FOXO1: variants seen among roughly 807,000 people sequenced by gnomAD.
The protein encoded by FOXO1 is forkhead box O1.
FOXO1 carries 6 observed loss-of-function variants against 44.1 expected under a neutral mutation model. The ratio of observed to expected loss-of-function variants is 0.14; its 90% confidence interval spans 0.07 to 0.27. The LOEUF (loss-of-function observed/expected upper bound fraction) is 0.27. Among genes scored for constraint, FOXO1 ranks in the 10% least tolerant of loss-of-function variants. The pLI is 1.00. For missense variants in FOXO1, 737 were observed against 888.8 expected (o/e 0.83, Z 2.17); for synonymous variants, 380 against 362.7 (o/e 1.05, Z -0.54).
chr13:40,626,421 C>G, intron 1 of FOXO1, among the ~76,000 whole-genome samples: 1 of 152,230 alleles, frequency 6.6e-6, no homozygotes, highest in East Asian at 1.9e-4. Flanking sequence ...GCTGGTGAGA[C>G]AGCTCATGCC....
Position 40,560,902 on chromosome 13 carries a change from G to A in FOXO1, c.631-42C>T. On this transcript the variant is annotated intron_variant, in intron 1 of 2. Transcript: ENST00000379561. The surrounding 1 kb of genome is among the most constrained non-coding windows in gnomAD (Gnocchi z 5.1). ...CTTATTAGAAGTACAATACTTCTCT[G>A]CTTGCAAAACTTCCTATTCTACATG... 6.5e-7 allele frequency: 1 copy of A among 1,531,644 alleles called. No individual in the cohort carries two copies. The highest frequency in any genetic ancestry group is 8.8e-7 in the Non-Finnish European group (1 of 1,142,222). 94.9% of individuals were successfully genotyped at this position (1,531,644 alleles called of 1,614,324 possible).
intron 1 of FOXO1, among the ~76,000 whole-genome samples, chr13:40,580,673 CAT>C (rs1874922405): frequency 1.3e-5 from 2 of 152,216 alleles, no homozygotes; most frequent in African/African-American, 4.8e-5. Context: ...CATCTGACCT[CAT>C]GTCACCTCCC....
At chr13:40,621,264 T>C (rs996542801) in intron 1 of FOXO1, 3 of 795,902 alleles carry the variant, frequency 3.8e-6, no homozygotes, top group Admixed American at 2.1e-5. Flanking sequence ...TCATATTCAT[T>C]GTACTGACCG....
Position 40,560,609 on chromosome 13 carries a change from T to C in FOXO1, c.882A>G (p.Lys294=). The C allele has an allele frequency of 1.2e-6, 2 of 1,614,186 alleles. No individual in the cohort carries two copies. Among genetic ancestry groups the C allele is most frequent in the Non-Finnish European group, 1.7e-6 (2 of 1,180,018 alleles). ...TGTGAGAGCCAGGGCTTGCAGGCCATTTGGAAAACTGTGATCCAGGGCTGT... is the reference window on the plus strand; with the variant it reads ...TGTGAGAGCCAGGGCTTGCAGGCCACTTGGAAAACTGTGATCCAGGGCTGT... ...AGDSPGSQFS[K]WPASPGSHSN... Residue 294 remains lysine (K), a synonymous_variant, in exon 2 of 3, where the codon AAA becomes AAG. Transcript: ENST00000379561. The surrounding 1 kb of genome is among the most constrained non-coding windows in gnomAD (Gnocchi z 5.1).
intron 1 of FOXO1, among the ~76,000 whole-genome samples, chr13:40,660,249 C>T (rs1443379501): frequency 2.0e-5 from 3 of 152,170 alleles, no homozygotes; most frequent in Non-Finnish European, 4.4e-5. Context: ...AGCAGACCAA[C>T]TCCCACACAA....
chr13:40,634,663 C>T (rs1566081148), intron 1 of FOXO1, among the ~76,000 whole-genome samples: 1 of 152,036 alleles, frequency 6.6e-6, no homozygotes, highest in African/African-American at 2.4e-5. Flanking sequence ...AAAAAGAAAG[C>T]AACAAAGGTG....
rs556798627 is a variant in FOXO1, at chr13:40,651,861, G to A, written c.630+13722C>T. Among the ~76,000 whole-genome samples, 3 of 152,160 alleles carry A rather than the reference G, an allele frequency of 2.0e-5. No individual in the cohort carries two copies. The South Asian group carries it at 6.2e-4, about 32-fold the overall frequency. On this transcript the variant is annotated intron_variant, in intron 1 of 2. Transcript: ENST00000379561. ...AGTATGGGAATCTTTCAAATTCAAC[G>A]TATGTAAATGTCATAATGGGCCACT...
intron 1 of FOXO1, among the ~76,000 whole-genome samples, chr13:40,645,537 C>T (rs1358428040): frequency 6.6e-6 from 1 of 152,144 alleles, no homozygotes; most frequent in African/African-American, 2.4e-5. Flanking sequence ...ATGACTATTT[C>T]TAAAGGCAGT....
chr13:40,624,618 C>CG (rs972143584), intron 1 of FOXO1, among the ~76,000 whole-genome samples: 3 of 152,062 alleles, frequency 2.0e-5, no homozygotes, highest in Non-Finnish European at 4.4e-5. Context: ...GGCAACTTGG[C>CG]GGGGGGAGGT....
chr13:40,616,690 G>A (rs553502595), intron 1 of FOXO1, among the ~76,000 whole-genome samples: 3 of 152,306 alleles, frequency 2.0e-5, no homozygotes, highest in African/African-American at 7.2e-5. Context: ...AGAGGGAGAC[G>A]AAGTTGTGTT....
chr13:40,635,662 T>A (rs150791438), intron 1 of FOXO1, among the ~76,000 whole-genome samples: 1 of 152,252 alleles, frequency 6.6e-6, no homozygotes, highest in Non-Finnish European at 1.5e-5. Context: ...GGCAATCCCT[T>A]AAGCTAAATT....
In FOXO1 at chr13:40,559,749, A is replaced by C. The variant is rs1317718396; in HGVS notation, c.1742T>G (p.Val581Gly). The C allele has an allele frequency of 6.2e-7, 1 of 1,613,282 alleles. No individual in the cohort carries two copies. Among genetic ancestry groups the C allele is most frequent in the Non-Finnish European group, 8.5e-7 (1 of 1,179,568 alleles). ...QMSALGGYSSVSSCNGYGRMG... is the reference protein window; with the variant it reads ...QMSALGGYSSGSSCNGYGRMG... The stretch of plus-strand genomic sequence containing the variant: ...TCTGCCATAGCCATTGCAGCTGCTC[A>C]CGGAGGAGTAGCCCCCCAGGGCACT... The change falls in exon 2 of 3, where the codon GTG becomes GGG. Residue 581 changes from valine to glycine, a missense_variant. Val to Gly is a moderately radical substitution (Grantham distance 109). This residue lies in a region of FOXO1 where 283 missense variants were observed against 278.1 expected (regional missense o/e 1.02). Coordinates refer to ENST00000379561, the MANE Select transcript of FOXO1 (RefSeq NM_002015.4).
intron 1 of FOXO1, among the ~76,000 whole-genome samples, chr13:40,594,659 CA>C (rs1383036079): frequency 6.6e-6 from 1 of 152,168 alleles, no homozygotes; most frequent in African/African-American, 2.4e-5. Flanking sequence ...GGATAATACA[CA>C]CGGGCTTCTC....
Position 40,665,544 on chromosome 13 carries a change from C to G in FOXO1, c.630+39G>C, listed in dbSNP as rs1878202421. 3.0e-6 allele frequency: 4 copies of G among 1,347,130 alleles called. No individual in the cohort carries two copies. In the African/African-American group the frequency reaches 4.5e-5, roughly 15 times the overall value. The allele number at this position is 1,347,130 out of a possible 1,614,324, so 83.4% of individuals were successfully genotyped here. ...ACAGCTGCGCCCTCGCCTGACCCAC[C>G]GCGCCCCCAAGGTCCGGCCGCGCGC... On this transcript the variant is annotated intron_variant, in intron 1 of 2. Coordinates refer to ENST00000379561, the MANE Select transcript of FOXO1 (RefSeq NM_002015.4).
At chr13:40,588,870 C>T (rs1316595573) in intron 1 of FOXO1, among the ~76,000 whole-genome samples, 1 of 151,986 alleles carries the variant, frequency 6.6e-6, no homozygotes, top group East Asian at 1.9e-4. Flanking sequence ...TTTGGGAGGC[C>T]GAGGTGGGCA....
intron 1 of FOXO1, among the ~76,000 whole-genome samples, chr13:40,607,995 G>A (rs778574282): frequency 3.3e-5 from 5 of 152,050 alleles, no homozygotes; most frequent in Non-Finnish European, 5.9e-5. Context: ...TTACCCAGCT[G>A]TTAGTAACAT....
intron 1 of FOXO1, among the ~76,000 whole-genome samples, chr13:40,621,849 A>T (rs1266811206): frequency 6.6e-6 from 1 of 152,232 alleles, no homozygotes; most frequent in Non-Finnish European, 1.5e-5. Context: ...TTTAATATAC[A>T]GCATATCATA....
At chr13:40,655,834 G>C (rs1329201944) in intron 1 of FOXO1, among the ~76,000 whole-genome samples, 1 of 151,662 alleles carries the variant, frequency 6.6e-6, no homozygotes, top group Admixed American at 6.6e-5. Flanking sequence ...AGTAGAGATG[G>C]GATTTCACTA....
At position 40,658,257 on chromosome 13, in the gene FOXO1, A is replaced by G. The variant is rs144329488; in HGVS notation, c.630+7326T>C. Among the ~76,000 whole-genome samples the G allele has an allele frequency of 2.0e-5, 3 of 152,318 alleles. No individual in the cohort carries two copies. In the East Asian group the frequency reaches 5.8e-4, roughly 29 times the overall value. Reference sequence around the variant, plus strand: ...CTAGGCCTGAAATACTAAAAGCTAAACGAGGGGAATGGTTAGCGGGTAGGA... The same window carrying G: ...CTAGGCCTGAAATACTAAAAGCTAAGCGAGGGGAATGGTTAGCGGGTAGGA... On this transcript the variant is annotated intron_variant, in intron 1 of 2. Coordinates refer to ENST00000379561, the MANE Select transcript of FOXO1 (RefSeq NM_002015.4).
Sources: gnomAD v4.1 joint callset for allele counts (sites outside exome capture counted in the v4.1 genomes callset) on GRCh38, gnomAD v4.1.1 for gene constraint, gnomAD v4.1.1 regional missense constraint, Gnocchi (gnomAD v3.1) non-coding constraint, MANE v1.5 for transcripts, NCBI Gene and HGNC (gene_info 2026-07-23, HGNC 2026-07-21) for gene names.